RAPGEF1: variants seen among roughly 807,000 people sequenced by gnomAD.
The protein encoded by RAPGEF1 is CRK SH3-binding GNRP.
RAPGEF1 carries 33 observed loss-of-function variants against 143.3 expected under a neutral mutation model. The observed-to-expected ratio is 0.23, with a 90% CI of 0.17 to 0.31. The LOEUF is 0.31. RAPGEF1 is among the 10% of genes least tolerant of loss of function. The pLI is 1.00. For missense variants in RAPGEF1, 1,199 were observed against 1,645.4 expected, an observed-to-expected ratio of 0.73 and a Z score of 4.69; for synonymous variants, 629 against 676.5, an observed-to-expected ratio of 0.93 and a Z score of 1.09.
At chr9:131,637,508 G>T (rs1359343889) in intron 5 of RAPGEF1, among the ~76,000 whole-genome samples, 2 of 152,180 alleles carry the variant, frequency 1.3e-5, no homozygotes, top group Non-Finnish European at 2.9e-5. Context: ...GTTAAGCCAA[G>T]GAGGCAGTTT....
chr9:131,601,399 G>A (rs1956260651), intron 15 of RAPGEF1, among the ~76,000 whole-genome samples: 1 of 152,172 alleles, frequency 6.6e-6, no homozygotes, highest in Non-Finnish European at 1.5e-5. Flanking sequence ...AAGACCAAGG[G>A]AGGTTGGCCT....
intron 3 of RAPGEF1, among the ~76,000 whole-genome samples, chr9:131,648,296 C>T (rs111657728): frequency 2.4e-4 from 36 of 152,256 alleles, no homozygotes; most frequent in African/African-American, 6.3e-4. Flanking sequence ...GTGGCTGAGG[C>T]GGGAGAATTG....
At chr9:131,638,874 G>T (rs1030362153) in intron 4 of RAPGEF1, 83 bp from the exon 5 acceptor site, 1 of 1,387,332 alleles carries the variant, frequency 7.2e-7, no homozygotes, top group Non-Finnish European at 9.8e-7. Flanking sequence ...CGGTGACAAG[G>T]GTGTGTTTCT....
chr9:131,647,529 G>A (rs987461214), intron 3 of RAPGEF1, among the ~76,000 whole-genome samples: 4 of 152,168 alleles, frequency 2.6e-5, no homozygotes, highest in South Asian at 2.1e-4. Flanking sequence ...AAGAATGTAC[G>A]TAATCACTCC....
At position 131,698,259 on chromosome 9, in the gene RAPGEF1, G is replaced by A. The variant is rs144539432; in HGVS notation, c.61+41511C>T. On this transcript the variant is annotated intron_variant, in intron 1 of 26. Coordinates refer to ENST00000683357, the MANE Select transcript of RAPGEF1 (RefSeq NM_001377935.1). Reference sequence around the variant, plus strand: ...ATGCCTAACAAGCAAAGGGAGGAGGGGCCCTCTAGTCTGCCCTTGTAAACA... The same window carrying A: ...ATGCCTAACAAGCAAAGGGAGGAGGAGCCCTCTAGTCTGCCCTTGTAAACA... 2.6e-5 allele frequency among the ~76,000 whole-genome samples: 4 copies of A among 152,272 alleles called. No homozygotes were observed. The East Asian group carries it at 7.7e-4, about 29-fold the overall frequency.
intron 12 of RAPGEF1, among the ~76,000 whole-genome samples, chr9:131,607,305 G>A (rs1161118442): frequency 2.0e-5 from 3 of 152,084 alleles, no homozygotes; most frequent in Non-Finnish European, 4.4e-5. Context: ...ACCCTGCTTG[G>A]TACACCCTGG....
intron 12 of RAPGEF1, among the ~76,000 whole-genome samples, chr9:131,609,659 G>A (rs1957701989): frequency 6.6e-6 from 1 of 152,184 alleles, no homozygotes; most frequent in Non-Finnish European, 1.5e-5. Flanking sequence ...AAAGCCACTG[G>A]GCCCCGGAGT....
chr9:131,639,458 G>GTGTGTGTGTA (rs1967164319), intron 4 of RAPGEF1, among the ~76,000 whole-genome samples: 1 of 151,890 alleles, frequency 6.6e-6, no homozygotes, highest in African/African-American at 2.4e-5. Context: ...GTGTGTGTGT[G>GTGTGTGTGTA]TGTGTGTGTG....
chr9:131,711,799 G>A (rs903407293), intron 1 of RAPGEF1, among the ~76,000 whole-genome samples: 4 of 152,150 alleles, frequency 2.6e-5, no homozygotes, highest in South Asian at 2.1e-4. Context: ...GTATAGAACC[G>A]GAGTAATATT....
chr9:131,589,372 AC>A (rs1203847246), intron 19 of RAPGEF1, among the ~76,000 whole-genome samples: 1 of 152,208 alleles, frequency 6.6e-6, no homozygotes, highest in Non-Finnish European at 1.5e-5. Flanking sequence ...CCTGCTGAGC[AC>A]TGTCCACACG....
At chr9:131,580,501 G>A in intron 25 of RAPGEF1, 110 bp from the exon 26 acceptor site, 1 of 1,312,592 alleles carries the variant, frequency 7.6e-7, no homozygotes, top group Non-Finnish European at 1.0e-6. Context: ...CCAAACCCCA[G>A]AGCAAACCAA....
intron 3 of RAPGEF1, among the ~76,000 whole-genome samples, chr9:131,645,973 C>T (rs1215995321): frequency 1.3e-5 from 2 of 152,116 alleles, no homozygotes; most frequent in Non-Finnish European, 2.9e-5. Flanking sequence ...TGAAGTGGTT[C>T]ACAACATTTA....
At position 131,626,101 on chromosome 9, in the gene RAPGEF1, T is replaced by G. The variant is rs1260665570; in HGVS notation, c.1523A>C (p.Glu508Ala). Residue 508 changes from glutamate to alanine, a missense_variant, in exon 10 of 27, where the codon GAG becomes GCG. Glu to Ala is a moderately radical substitution (Grantham distance 107, BLOSUM62 -1). Around this residue, in one of 6 missense-constraint regions of RAPGEF1, gnomAD observed 613 missense variants for 710.9 expected, o/e 0.86. Transcript: ENST00000683357. ...GATCGGGGCTGTGCTCTGCAGGTCCTCCCCAGAGATGTTGTCATACTGCGA... is the reference window on the plus strand; with the variant it reads ...GATCGGGGCTGTGCTCTGCAGGTCCGCCCCAGAGATGTTGTCATACTGCGA... ...HPSQYDNISG[E>A]DLQSTAPIPS... 6.2e-7 allele frequency: 1 copy of G among 1,613,842 alleles called. No homozygotes were observed. Among genetic ancestry groups the G allele is most frequent in the South Asian group, 1.1e-5 (1 of 91,080 alleles).
intron 1 of RAPGEF1, among the ~76,000 whole-genome samples, chr9:131,654,771 CA>C (rs1373648057): frequency 6.6e-6 from 1 of 152,182 alleles, no homozygotes; most frequent in Non-Finnish European, 1.5e-5. Context: ...GCTGACATGG[CA>C]GTTGGCCCAT....
intron 1 of RAPGEF1, among the ~76,000 whole-genome samples, chr9:131,713,207 C>T (rs1366958471): frequency 6.6e-6 from 1 of 152,138 alleles, no homozygotes; most frequent in Non-Finnish European, 1.5e-5. Context: ...TGTGGCTGTA[C>T]GAACTGCCTT....
At chr9:131,586,832 T>C (rs1431315377) in intron 22 of RAPGEF1, among the ~76,000 whole-genome samples, 1 of 61,424 alleles carries the variant, frequency 1.6e-5, no homozygotes, top group Non-Finnish European at 3.1e-5. Context: ...AGAGCGAGAC[T>C]CCGTCTCAAA....
chr9:131,597,988 C>T (rs1955589693), intron 16 of RAPGEF1, among the ~76,000 whole-genome samples: 5 of 152,186 alleles, frequency 3.3e-5, no homozygotes, highest in Admixed American at 3.3e-4. Flanking sequence ...TGTAAGATGA[C>T]TTTCTATAAG....
At chr9:131,730,312 T>G (rs1390153670) in intron 1 of RAPGEF1, among the ~76,000 whole-genome samples, 3 of 151,830 alleles carry the variant, frequency 2.0e-5, no homozygotes, top group Non-Finnish European at 4.4e-5. Context: ...CTATCCAACA[T>G]TTACTGCCAT....
At chr9:131,687,751 ATCT>A (rs1433854139) in intron 1 of RAPGEF1, among the ~76,000 whole-genome samples, 3 of 152,164 alleles carry the variant, frequency 2.0e-5, no homozygotes, top group Admixed American at 6.5e-5. Context: ...TAAATGCTTA[ATCT>A]TCTCTCTCAC....
Sources: gnomAD v4.1 joint callset for allele counts (sites outside exome capture counted in the v4.1 genomes callset) on GRCh38, gnomAD v4.1.1 for gene constraint, gnomAD v4.1.1 regional missense constraint, MANE v1.5 for transcripts, NCBI Gene and HGNC (gene_info 2026-07-23, HGNC 2026-07-21) for gene names.